The following TRPM3 variants were observed in gnomAD, a reference collection of about 807,000 sequenced individuals.
TRPM3 encodes long transient receptor potential channel 3.
A neutral mutation model predicts 181.2 loss-of-function variants in TRPM3; 77 were observed. That is an observed-to-expected ratio of 0.42 (90% CI 0.35 to 0.51). The LOEUF (loss-of-function observed/expected upper bound fraction) is 0.51, where lower values mean the gene tolerates loss of function less well. TRPM3 is among the 20% of genes least tolerant of loss of function. The probability of loss-of-function intolerance (pLI) is 0.01; values close to 1 mark genes in which losing one functional copy is unlikely to be tolerated. For missense variants in TRPM3, 1,759 were observed against 2,196.7 expected, an observed-to-expected ratio of 0.80 and a Z score of 3.98; for synonymous variants, 745 against 796.4, an observed-to-expected ratio of 0.94 and a Z score of 1.09.
At chr9:71,305,666 C>T (rs919706136) in intron 1 of TRPM3, among the ~76,000 whole-genome samples, 2 of 151,980 alleles carry the variant, frequency 1.3e-5, no homozygotes, top group Non-Finnish European at 2.9e-5. Context: ...AAGCACAATT[C>T]CCCAAAAGAT....
intron 1 of TRPM3, among the ~76,000 whole-genome samples, chr9:71,319,253 C>T (rs1212533621): frequency 1.3e-5 from 2 of 151,968 alleles, no homozygotes; most frequent in Non-Finnish European, 2.9e-5. Flanking sequence ...TTAATGACCG[C>T]TCGGCTGAGA....
intron 1 of TRPM3, among the ~76,000 whole-genome samples, chr9:71,203,595 C>T (rs1394958222): frequency 1.3e-5 from 2 of 152,172 alleles, no homozygotes; most frequent in Non-Finnish European, 2.9e-5. Flanking sequence ...ATGCTACTGA[C>T]TGGCTGTGTG....
chr9:71,301,471 C>CA (rs1392650121), intron 1 of TRPM3, among the ~76,000 whole-genome samples: 1 of 152,100 alleles, frequency 6.6e-6, no homozygotes, highest in East Asian at 1.9e-4. Flanking sequence ...TACTCAGTTT[C>CA]AAAGCCACAT....
chr9:70,872,878 C>T (rs980190620), intron 1 of TRPM3, among the ~76,000 whole-genome samples: 2 of 151,890 alleles, frequency 1.3e-5, no homozygotes, highest in South Asian at 4.1e-4. Flanking sequence ...GGTTGACCAG[C>T]ATTTCCTAAA....
At chr9:71,095,314 T>G (rs567740598) in intron 1 of TRPM3, among the ~76,000 whole-genome samples, 7 of 152,128 alleles carry the variant, frequency 4.6e-5, no homozygotes, top group South Asian at 2.1e-4. Context: ...TGAAACCATT[T>G]TTTAGATTCC....
chr9:70,698,132 C>T (rs551846408), intron 8 of TRPM3, among the ~76,000 whole-genome samples: 14 of 149,258 alleles, frequency 9.4e-5, no homozygotes, highest in Admixed American at 2.0e-4. Context: ...CACTTGAACC[C>T]GGGAGACGGA....
At chr9:70,957,983 T>G (rs2097096389) in intron 1 of TRPM3, among the ~76,000 whole-genome samples, 3 of 152,200 alleles carry the variant, frequency 2.0e-5, no homozygotes. Context: ...AGAAGAGGCT[T>G]TAGCAACCAG....
At chr9:71,392,765 C>T (rs746779533) in intron 1 of TRPM3, among the ~76,000 whole-genome samples, 12 of 152,058 alleles carry the variant, frequency 7.9e-5, no homozygotes, top group Non-Finnish European at 1.8e-4. Flanking sequence ...TGGGAAGCTA[C>T]ATCAAAATCA....
chr9:71,445,003 C>G (rs1474346637), intron 1 of TRPM3, among the ~76,000 whole-genome samples: 1 of 152,222 alleles, frequency 6.6e-6, no homozygotes, highest in African/African-American at 2.4e-5. Flanking sequence ...AGAACTACAG[C>G]ACCATCATCA....
intron 1 of TRPM3, among the ~76,000 whole-genome samples, chr9:70,935,880 C>G (rs1253660664): frequency 6.6e-6 from 1 of 152,162 alleles, no homozygotes; most frequent in African/African-American, 2.4e-5. Context: ...CAAATTTGCT[C>G]TAGTCTGCTT....
chr9:70,891,330 G>GA (rs2096199345), intron 1 of TRPM3, among the ~76,000 whole-genome samples: 1 of 152,026 alleles, frequency 6.6e-6, no homozygotes, highest in Admixed American at 6.6e-5. Context: ...TATATGCTGG[G>GA]AAAAGGGAAT....
intron 1 of TRPM3, among the ~76,000 whole-genome samples, chr9:70,933,476 A>G (rs1589878406): frequency 6.6e-6 from 1 of 152,190 alleles, no homozygotes; most frequent in Non-Finnish European, 1.5e-5. Context: ...AGAGCATTCC[A>G]AGAAGGTGAA....
chr9:70,675,982 T>C (rs1252715093), intron 9 of TRPM3, among the ~76,000 whole-genome samples: 1 of 152,242 alleles, frequency 6.6e-6, no homozygotes, highest in Non-Finnish European at 1.5e-5. Context: ...TTTAACTTAA[T>C]ACCCTTTATT....
chr9:70,550,933 G>A (rs1043889302), intron 24 of TRPM3, among the ~76,000 whole-genome samples: 10 of 152,146 alleles, frequency 6.6e-5, no homozygotes, highest in Admixed American at 4.6e-4. Flanking sequence ...ATTACACAGA[G>A]CATTAGTCTC....
chr9:71,348,587 T>A (rs922655896), intron 1 of TRPM3, among the ~76,000 whole-genome samples: 1 of 151,762 alleles, frequency 6.6e-6, no homozygotes, highest in Admixed American at 6.6e-5. Flanking sequence ...TTTTATTTTT[T>A]GAGACTGAGT....
At chr9:70,894,674 C>G (rs1465327919) in intron 1 of TRPM3, among the ~76,000 whole-genome samples, 2 of 152,050 alleles carry the variant, frequency 1.3e-5, no homozygotes, top group Non-Finnish European at 2.9e-5. Flanking sequence ...TTTGGCTTCT[C>G]CAGGACTCAG....
chr9:71,267,769 C>T (rs923666933), intron 1 of TRPM3, among the ~76,000 whole-genome samples: 6 of 152,126 alleles, frequency 3.9e-5, no homozygotes, highest in African/African-American at 1.2e-4. Context: ...ATGCACATGA[C>T]GGACAATGGC....
chr9:71,380,656 T>C (rs1445537968), intron 1 of TRPM3, among the ~76,000 whole-genome samples: 3 of 152,098 alleles, frequency 2.0e-5, no homozygotes, highest in Admixed American at 6.6e-5. Flanking sequence ...TATTATTTCA[T>C]ATTATCTTAA....
chr9:70,629,323 G>GT (rs892321193), intron 12 of TRPM3, among the ~76,000 whole-genome samples: 2 of 147,518 alleles, frequency 1.4e-5, no homozygotes, highest in Non-Finnish European at 1.5e-5. Flanking sequence ...TGCCTCTTCC[G>GT]TTTTTTGTTT....
Sources: gnomAD v4.1 joint callset for allele counts (sites outside exome capture counted in the v4.1 genomes callset) on GRCh38, gnomAD v4.1.1 for gene constraint, MANE v1.5 for transcripts, NCBI Gene and HGNC (gene_info 2026-07-23, HGNC 2026-07-21) for gene names.